DTNB: variants seen among roughly 807,000 people sequenced by gnomAD.
DTNB encodes the protein DTN-B.
Under a neutral mutation model 90.7 loss-of-function variants are expected in DTNB, and 63 were observed. The observed-to-expected ratio is 0.69, with a 90% CI of 0.57 to 0.86. The LOEUF is 0.86. DTNB is among the 40% of genes least tolerant of loss of function. DTNB has a pLI of 0.00. For synonymous variants in DTNB, 277 were observed against 286.7 expected (o/e 0.97, Z 0.34); for missense variants, 744 against 807.1 (o/e 0.92, Z 0.95).
chr2:25,395,787 C>T (rs1337363711), intron 16 of DTNB, among the ~76,000 whole-genome samples: 1 of 152,044 alleles, frequency 6.6e-6, no homozygotes, highest in African/African-American at 2.4e-5. Context: ...GAAGAAAGCA[C>T]TAGAGATGGA....
intron 11 of DTNB, among the ~76,000 whole-genome samples, chr2:25,453,572 T>C (rs899724336): frequency 7.9e-5 from 12 of 152,214 alleles, no homozygotes; most frequent in South Asian, 2.1e-4. Flanking sequence ...ATAAATCTTA[T>C]TGGGCTAAAT....
At chr2:25,520,227 C>A (rs936175765) in intron 9 of DTNB, among the ~76,000 whole-genome samples, 2 of 152,030 alleles carry the variant, frequency 1.3e-5, no homozygotes, top group East Asian at 1.9e-4. Context: ...ACTAAACATA[C>A]AAAAATTAGC....
intron 16 of DTNB, among the ~76,000 whole-genome samples, chr2:25,405,433 CG>C (rs896568138): frequency 6.6e-6 from 1 of 151,946 alleles, no homozygotes; most frequent in Non-Finnish European, 1.5e-5. Flanking sequence ...CCCAGCTACT[CG>C]GGGGGCTGAG....
chr2:25,605,223 G>C (rs932229922), intron 5 of DTNB, among the ~76,000 whole-genome samples: 1 of 152,194 alleles, frequency 6.6e-6, no homozygotes, highest in Non-Finnish European at 1.5e-5. Flanking sequence ...GCAAGGAAAA[G>C]ATAAACCACA....
At chr2:25,514,681 CTTTTTTT>C (rs560287104) in intron 9 of DTNB, among the ~76,000 whole-genome samples, 13 of 98,860 alleles carry the variant, frequency 1.3e-4, no homozygotes, top group South Asian at 3.4e-4. Flanking sequence ...TGAAAAAAAT[CTTTTTTT>C]TTTTTTTTTT....
chr2:25,628,142 G>A lies in DTNB; in HGVS notation c.362+29C>T, dbSNP rs748358756. The A allele has an allele frequency of 6.9e-6, 11 of 1,601,510 alleles. No individual in the cohort carries two copies. The Admixed American group carries it at 1.2e-4, about 17-fold the overall frequency. ...CAGAGACAGGTGTTCTTAAAATGAA[G>A]TAAGCGTGTAAGGTAAGGTACTACT... On this transcript the variant is annotated intron_variant, in intron 4 of 20. Transcript: ENST00000406818.
chr2:25,587,815 G>A (rs963250146), intron 6 of DTNB, among the ~76,000 whole-genome samples: 6 of 151,954 alleles, frequency 3.9e-5, no homozygotes, highest in South Asian at 2.1e-4. Flanking sequence ...TTACTATAGA[G>A]ACCTGATCAT....
chr2:25,531,734 T>C (rs531634753), intron 8 of DTNB, 137 bp from the exon 9 acceptor site: 11 of 1,231,040 alleles, frequency 8.9e-6, no homozygotes, highest in East Asian at 7.9e-5. Flanking sequence ...ATCAATATCA[T>C]TGGGCCTTTC....
At chr2:25,547,918 T>C (rs1306587565) in intron 8 of DTNB, among the ~76,000 whole-genome samples, 1 of 152,210 alleles carries the variant, frequency 6.6e-6, no homozygotes, top group Non-Finnish European at 1.5e-5. Context: ...AAATTGTATA[T>C]TGCATTTAGG....
intron 12 of DTNB, among the ~76,000 whole-genome samples, chr2:25,445,127 A>G (rs994989883): frequency 6.6e-6 from 1 of 152,240 alleles, no homozygotes; most frequent in African/African-American, 2.4e-5. Flanking sequence ...ACAACATTTT[A>G]AAAGTACTAT....
chr2:25,486,497 G>A (rs2066184233), intron 9 of DTNB, among the ~76,000 whole-genome samples: 1 of 152,006 alleles, frequency 6.6e-6, no homozygotes, highest in African/African-American at 2.4e-5. Context: ...AGTCTGGCAT[G>A]GTTGCACGTG....
intron 8 of DTNB, among the ~76,000 whole-genome samples, chr2:25,531,978 G>A (rs1196844794): frequency 6.6e-6 from 1 of 152,118 alleles, no homozygotes; most frequent in Non-Finnish European, 1.5e-5. Flanking sequence ...CAGGCACGGT[G>A]GCTCATACCT....
intron 10 of DTNB, among the ~76,000 whole-genome samples, chr2:25,476,063 T>C (rs1388065758): frequency 4.2e-5 from 5 of 119,554 alleles, no homozygotes. Flanking sequence ...GATCAAGAAG[T>C]AATTTTTTTT....
At chr2:25,586,723 A>C (rs934654840) in intron 6 of DTNB, among the ~76,000 whole-genome samples, 4 of 152,060 alleles carry the variant, frequency 2.6e-5, no homozygotes, top group African/African-American at 9.7e-5. Flanking sequence ...TCAAAGAAGA[A>C]GGCATATTTT....
At chr2:25,430,702 C>CT (rs1342444510) in intron 14 of DTNB, among the ~76,000 whole-genome samples, 1 of 152,198 alleles carries the variant, frequency 6.6e-6, no homozygotes, top group African/African-American at 2.4e-5. Context: ...GATAGGCGTT[C>CT]ACCCAGTGGG....
At chr2:25,616,144 G>A (rs765457209) in intron 4 of DTNB, among the ~76,000 whole-genome samples, 2 of 152,142 alleles carry the variant, frequency 1.3e-5, no homozygotes, top group Non-Finnish European at 2.9e-5. Context: ...CTGCAGAAAA[G>A]AAACTGTTGC....
intron 4 of DTNB, among the ~76,000 whole-genome samples, chr2:25,613,682 G>A (rs553241624): frequency 2.7e-4 from 41 of 151,772 alleles, no homozygotes; most frequent in Non-Finnish European, 4.4e-4. Context: ...GGGACAGGCC[G>A]GGTGCAGTGG....
chr2:25,415,254 T>C (rs2149760909), intron 16 of DTNB, among the ~76,000 whole-genome samples: 1 of 150,112 alleles, frequency 6.7e-6, no homozygotes, highest in East Asian at 1.9e-4. Flanking sequence ...CTTTTTTTTT[T>C]TTTTTTTTTT....
chr2:25,437,586 A>T (rs1239945740), intron 12 of DTNB, among the ~76,000 whole-genome samples: 1 of 152,100 alleles, frequency 6.6e-6, no homozygotes, highest in Non-Finnish European at 1.5e-5. Flanking sequence ...TAAACACCAT[A>T]GTGCTCATTA....
Sources: gnomAD v4.1 joint callset for allele counts (sites outside exome capture counted in the v4.1 genomes callset) on GRCh38, gnomAD v4.1.1 for gene constraint, MANE v1.5 for transcripts, NCBI Gene and HGNC (gene_info 2026-07-23, HGNC 2026-07-21) for gene names.